The following CNBD1 variants were observed in gnomAD, a reference collection of about 807,000 sequenced individuals.
The protein encoded by CNBD1 is cyclic nucleotide-binding domain-containing protein 1.
Under a neutral mutation model 54.4 loss-of-function variants are expected in CNBD1, and 71 were observed. The observed-to-expected ratio is 1.30, with a 90% CI of 1.08 to 1.59. The LOEUF (loss-of-function observed/expected upper bound fraction) is 1.59, where lower values mean the gene tolerates loss of function less well. CNBD1 is among the 40% of genes most tolerant of loss of function. The probability of loss-of-function intolerance (pLI) is 0.00; values close to 1 mark genes in which losing one functional copy is unlikely to be tolerated. For synonymous variants in CNBD1, 182 were observed against 170.7 expected, an observed-to-expected ratio of 1.07 and a Z score of -0.51; for missense variants, 659 against 518.0, an observed-to-expected ratio of 1.27 and a Z score of -2.64.
At chr8:86,903,588 A>G (rs1457447836) in intron 2 of CNBD1, among the ~76,000 whole-genome samples, 1 of 152,124 alleles carries the variant, frequency 6.6e-6, no homozygotes, top group Non-Finnish European at 1.5e-5. Context: ...AGAGGTTAAA[A>G]TAATGGGTTT....
chr8:87,133,725 A>G (rs1812168903), intron 4 of CNBD1, among the ~76,000 whole-genome samples: 1 of 151,746 alleles, frequency 6.6e-6, no homozygotes, highest in African/African-American at 2.4e-5. Flanking sequence ...TTGCACAGAG[A>G]AGTGGATTTA....
chr8:87,394,700 A>G (rs892845881), intron 2 of CNBD1, among the ~76,000 whole-genome samples: 4 of 151,994 alleles, frequency 2.6e-5, no homozygotes, highest in Admixed American at 6.6e-5. Flanking sequence ...GCACCTATCC[A>G]TGCATAAAAA....
At chr8:87,086,265 C>T (rs1021920349) in intron 4 of CNBD1, among the ~76,000 whole-genome samples, 1 of 152,182 alleles carries the variant, frequency 6.6e-6, no homozygotes, top group East Asian at 1.9e-4. Flanking sequence ...GCCTCTTCCT[C>T]GCATGCTCTG....
chr8:86,875,925 T>C (rs959845458), intron 1 of CNBD1, among the ~76,000 whole-genome samples: 2 of 152,204 alleles, frequency 1.3e-5, no homozygotes, highest in Non-Finnish European at 2.9e-5. Flanking sequence ...TGTTGTATGA[T>C]CTTTGTTAAT....
intron 2 of CNBD1, among the ~76,000 whole-genome samples, chr8:87,409,758 C>T (rs1807709009): frequency 6.6e-6 from 1 of 152,076 alleles, no homozygotes; most frequent in Non-Finnish European, 1.5e-5. Context: ...TGTGGTGGCT[C>T]ATGCCTGTAA....
At chr8:86,927,688 T>G (rs1440108367) in intron 3 of CNBD1, among the ~76,000 whole-genome samples, 1 of 152,144 alleles carries the variant, frequency 6.6e-6, no homozygotes, top group Non-Finnish European at 1.5e-5. Flanking sequence ...ATGGTTAGTA[T>G]ACTGCTTAAT....
At chr8:87,099,034 CAAAAAAAAAAAAA>C (rs11402011) in intron 4 of CNBD1, among the ~76,000 whole-genome samples, 8 of 23,064 alleles carry the variant, frequency 3.5e-4, no homozygotes, top group East Asian at 1.8e-3. Context: ...GACTGTGTCT[CAAAAAAAAAAAAA>C]AAAAAAAAAA....
At chr8:87,276,329 A>G (rs570847102) in intron 6 of CNBD1, among the ~76,000 whole-genome samples, 1 of 151,832 alleles carries the variant, frequency 6.6e-6, no homozygotes, top group East Asian at 1.9e-4. Flanking sequence ...TCAAAATGAG[A>G]TTCAGGCTCT....
In CNBD1 at chr8:87,357,521, A is replaced by G. The variant is rs142462552; in HGVS notation, c.1303+3735A>G. Among the ~76,000 whole-genome samples the G allele has an allele frequency of 4.0e-3, 612 of 152,278 alleles. 20 individuals are homozygous for G. The highest frequency in any genetic ancestry group is 0.032 in the Admixed American group (494 of 15,284). Reference sequence around the variant, plus strand: ...CTGCTCTTCTGGGTTTCAGACATGCATGGGGAATGTTTCCCCTATCTTTTG... The same window carrying G: ...CTGCTCTTCTGGGTTTCAGACATGCGTGGGGAATGTTTCCCCTATCTTTTG... On this transcript the variant is annotated intron_variant, in intron 10 of 10. Transcript: ENST00000518476.
Position 87,025,571 on chromosome 8 carries a change from T to C in CNBD1, c.431+85817T>C, listed in dbSNP as rs73273659. 6.7e-5 allele frequency among the ~76,000 whole-genome samples: 10 copies of C among 148,526 alleles called. No homozygotes were observed. In the South Asian group the frequency reaches 2.2e-3, roughly 32 times the overall value. ...TCAGCGAGACCGCGAACCCACCAGG[T>C]GGAACAAACAAGTCTGGATATGCCA... On this transcript the variant is annotated intron_variant, in intron 4 of 10. Coordinates refer to ENST00000518476, the MANE Select transcript of CNBD1 (RefSeq NM_173538.3).
intron 6 of CNBD1, among the ~76,000 whole-genome samples, chr8:87,279,516 G>A (rs1171642196): frequency 6.6e-6 from 1 of 151,286 alleles, no homozygotes; most frequent in African/African-American, 2.4e-5. Flanking sequence ...ACAGAAAGTT[G>A]CAAAGTAAAA....
At chr8:87,352,919 C>G (rs1810335946) in intron 9 of CNBD1, among the ~76,000 whole-genome samples, 2 of 152,142 alleles carry the variant, frequency 1.3e-5, no homozygotes, top group Non-Finnish European at 2.9e-5. Context: ...TTAGTAAATG[C>G]TTTAGCCTCT....
intron 5 of CNBD1, among the ~76,000 whole-genome samples, chr8:87,221,000 C>T (rs1407432116): frequency 1.3e-5 from 2 of 152,076 alleles, no homozygotes; most frequent in Non-Finnish European, 2.9e-5. Flanking sequence ...ATTTGAGAGT[C>T]ACTCCTGACT....
rs115812492 is a variant in CNBD1 at position 87,427,898 on chromosome 8, A to T, written c.214-648A>T. ...AACATAAAGGGCAGTTGGCCATCCT[A>T]GGTTGTTTTTGTCTCCTGGATCACA... On this transcript the variant is annotated intron_variant, in intron 2 of 7. Coordinates refer to the CNBD1 transcript ENST00000521593. Among the ~76,000 whole-genome samples the T allele has an allele frequency of 5.1e-3, 781 of 152,224 alleles. 15 individuals carry two copies. The highest frequency in any genetic ancestry group is 0.018 in the African/African-American group (756 of 41,534).
At chr8:87,303,765 A>T (rs532790005) in intron 8 of CNBD1, among the ~76,000 whole-genome samples, 3 of 134,392 alleles carry the variant, frequency 2.2e-5, no homozygotes, top group African/African-American at 8.2e-5. Context: ...TCCAGAATCT[A>T]CAATGAACTC....
intron 8 of CNBD1, among the ~76,000 whole-genome samples, chr8:87,338,339 T>G (rs1809992894): frequency 6.6e-6 from 1 of 152,208 alleles, no homozygotes; most frequent in South Asian, 2.1e-4. Context: ...AATATTTCTT[T>G]TAATATTTCT....
At chr8:87,106,595 G>T (rs907596220) in intron 4 of CNBD1, among the ~76,000 whole-genome samples, 27 of 152,262 alleles carry the variant, frequency 1.8e-4, no homozygotes, top group Non-Finnish European at 2.9e-4. Flanking sequence ...GAGCCATCTT[G>T]AACTTTTCAC....
downstream of CNBD1, among the ~76,000 whole-genome samples, chr8:87,387,198 T>G (rs552105242): frequency 6.6e-6 from 1 of 152,248 alleles, no homozygotes; most frequent in South Asian, 2.1e-4. Flanking sequence ...CTGCATCAAC[T>G]AATGAGCAAA....
At chr8:87,074,117 GGCA>G (rs1314535651) in intron 4 of CNBD1, among the ~76,000 whole-genome samples, 1 of 132,456 alleles carries the variant, frequency 7.5e-6, no homozygotes, top group African/African-American at 3.0e-5. Flanking sequence ...AAAAAAAAAA[GGCA>G]GCAGTCTGGC....
Sources: allele counts gnomAD v4.1 joint callset (sites outside exome capture counted in the v4.1 genomes callset), GRCh38; gene constraint gnomAD v4.1.1; transcripts MANE v1.5; gene names NCBI Gene and HGNC (gene_info 2026-07-23, HGNC 2026-07-21).